Variants in CCSER1 observed in about 807,000 individuals in gnomAD.
CCSER1 encodes serine-rich coiled-coil domain-containing protein 1.
Under a neutral mutation model 82.0 loss-of-function variants are expected in CCSER1, and 41 were observed. The observed-to-expected ratio is 0.50, with a 90% CI of 0.39 to 0.65. The LOEUF is 0.65. CCSER1 is among the 30% of genes least tolerant of loss of function. The pLI is 0.00. For missense variants in CCSER1, 1,119 were observed against 1,064.2 expected, an observed-to-expected ratio of 1.05 and a Z score of -0.72; for synonymous variants, 414 against 383.9, an observed-to-expected ratio of 1.08 and a Z score of -0.92.
At chr4:91,031,096 G>A (rs1740940992) in intron 9 of CCSER1, among the ~76,000 whole-genome samples, 1 of 152,178 alleles carries the variant, frequency 6.6e-6, no homozygotes, top group Non-Finnish European at 1.5e-5. Context: ...GAAAAGTGAA[G>A]TTGCGGATAT....
chr4:90,206,883 A>G (rs1299831651), intron 1 of CCSER1, among the ~76,000 whole-genome samples: 1 of 151,882 alleles, frequency 6.6e-6, no homozygotes, highest in African/African-American at 2.4e-5. Context: ...GTGCATATAT[A>G]TTTAGGATAG....
At chr4:90,820,192 T>G (rs1403422920) in intron 8 of CCSER1, among the ~76,000 whole-genome samples, 1 of 152,190 alleles carries the variant, frequency 6.6e-6, no homozygotes, top group Non-Finnish European at 1.5e-5. Flanking sequence ...CTACCTCTAA[T>G]CTTAATTGCC....
intron 10 of CCSER1, among the ~76,000 whole-genome samples, chr4:91,384,695 C>A (rs1751162340): frequency 6.6e-6 from 1 of 151,848 alleles, no homozygotes; most frequent in African/African-American, 2.4e-5. Context: ...TCAGATGCAA[C>A]AAAATTACAG....
At position 90,378,392 on chromosome 4, in the gene CCSER1, A is replaced by C. The variant is rs1172344652; in HGVS notation, c.1510-21644A>C. On this transcript the variant is annotated intron_variant, in intron 3 of 10. Coordinates refer to ENST00000509176, the MANE Select transcript of CCSER1 (RefSeq NM_001145065.2). ...CACAGAGAAAGAGCTTAAGTCTTTA[A>C]GAGGGTAAGTGACCCAAGGCTAGGT... Among the ~76,000 whole-genome samples, 3 of 152,198 alleles carry C rather than the reference A, an allele frequency of 2.0e-5. No individual in the cohort carries two copies. The East Asian group carries it at 5.8e-4, about 29-fold the overall frequency.
At chr4:91,366,513 CA>C (rs1749625663) in intron 10 of CCSER1, among the ~76,000 whole-genome samples, 1 of 152,160 alleles carries the variant, frequency 6.6e-6, no homozygotes, top group Admixed American at 6.5e-5. Flanking sequence ...TCATATTTCT[CA>C]AATATTCTTT....
At chr4:91,503,329 G>T (rs1211357188) in intron 10 of CCSER1, among the ~76,000 whole-genome samples, 1 of 144,656 alleles carries the variant, frequency 6.9e-6, no homozygotes, top group African/African-American at 2.6e-5. Context: ...GAGAAAGAGC[G>T]ATACTCCATC....
chr4:90,753,696 A>G (rs551823313), intron 7 of CCSER1, among the ~76,000 whole-genome samples: 1 of 152,116 alleles, frequency 6.6e-6, no homozygotes, highest in Non-Finnish European at 1.5e-5. Flanking sequence ...TTTTAAAAAA[A>G]TAAATTGGAT....
intron 10 of CCSER1, among the ~76,000 whole-genome samples, chr4:91,181,881 A>G (rs1210583478): frequency 6.6e-6 from 1 of 152,206 alleles, no homozygotes; most frequent in Non-Finnish European, 1.5e-5. Context: ...TAACTGTGTC[A>G]TAGAGTGATT....
intron 9 of CCSER1, among the ~76,000 whole-genome samples, chr4:91,001,280 CT>C (rs1404233116): frequency 2.6e-5 from 4 of 152,098 alleles, no homozygotes; most frequent in African/African-American, 9.7e-5. Context: ...GATAAATTAA[CT>C]TTTTGATGTA....
rs2149712623 is a variant in CCSER1, at chr4:90,804,414, T to C, written c.2011-11348T>C. 2.0e-5 allele frequency among the ~76,000 whole-genome samples: 3 copies of C among 152,278 alleles called. 1 individual carries two copies. The highest frequency in any genetic ancestry group is 3.9e-4 in the East Asian group (2 of 5,188). ...ATAAGGTGTAAGGAAGGGGGTCCAG[T>C]TTCAGTTTTCTGCATACGTCTAGCC... is the stretch of plus-strand genomic sequence containing the variant. On this transcript the variant is annotated intron_variant, in intron 7 of 10. Coordinates refer to ENST00000509176, the MANE Select transcript of CCSER1 (RefSeq NM_001145065.2).
chr4:90,994,485 A>G (rs9884840), intron 9 of CCSER1, among the ~76,000 whole-genome samples: 8,215 of 147,412 alleles, frequency 0.056, 237 homozygotes, highest in Middle Eastern at 0.097. Context: ...CATGCTTCAC[A>G]TGGTAAAGTA....
chr4:91,463,969 G>A (rs955684238), intron 10 of CCSER1, among the ~76,000 whole-genome samples: 91 of 152,242 alleles, frequency 6.0e-4, no homozygotes, highest in African/African-American at 2.2e-3. Context: ...ACCTAGCAAG[G>A]CAGGCCAACA....
intron 9 of CCSER1, among the ~76,000 whole-genome samples, chr4:91,027,116 G>A (rs1475357590): frequency 6.6e-6 from 1 of 151,958 alleles, no homozygotes; most frequent in Non-Finnish European, 1.5e-5. Flanking sequence ...AGATCAAAGA[G>A]GGCTGCCAGG....
chr4:90,291,048 AT>A (rs1379877726), intron 1 of CCSER1, among the ~76,000 whole-genome samples: 1 of 152,058 alleles, frequency 6.6e-6, no homozygotes, highest in Non-Finnish European at 1.5e-5. Context: ...TTCCTTAAAA[AT>A]AATTTTTATT....
chr4:91,075,705 GA>G (rs1721922790), intron 9 of CCSER1, among the ~76,000 whole-genome samples: 1 of 152,080 alleles, frequency 6.6e-6, no homozygotes, highest in Non-Finnish European at 1.5e-5. Flanking sequence ...AAATGCAAAG[GA>G]TTTTTTTGTT....
rs548218920 is a variant in CCSER1, at chr4:91,404,861, T to C, written c.2218-193711T>C. On this transcript the variant is annotated intron_variant, in intron 10 of 10. Coordinates refer to ENST00000509176, the MANE Select transcript of CCSER1 (RefSeq NM_001145065.2). ...AAGTGCAATGAGGTGATGAGAAGAA[T>C]GTATATTCTGTTGATTTGGAGTGGA... 2.0e-5 allele frequency among the ~76,000 whole-genome samples: 3 copies of C among 152,328 alleles called. 1 individual carries two copies. Among genetic ancestry groups the C allele is most frequent in the African/African-American group, 4.8e-5 (2 of 41,572 alleles).
At chr4:91,515,908 T>C (rs1760089652) in intron 10 of CCSER1, among the ~76,000 whole-genome samples, 1 of 151,016 alleles carries the variant, frequency 6.6e-6, no homozygotes, top group South Asian at 2.1e-4. Context: ...CCATTCTAAC[T>C]CATTTGAGAA....
intron 7 of CCSER1, among the ~76,000 whole-genome samples, chr4:90,805,463 T>C (rs1421445117): frequency 6.6e-6 from 1 of 152,190 alleles, no homozygotes; most frequent in Non-Finnish European, 1.5e-5. Context: ...GAAGGAGCAT[T>C]ATAACTGACC....
chr4:90,707,542 T>A (rs144379588), intron 6 of CCSER1, among the ~76,000 whole-genome samples: 21,716 of 139,318 alleles, frequency 0.16, 1,825 homozygotes, highest in Middle Eastern at 0.24. Flanking sequence ...AAAAAAAATA[T>A]ATATATATAT....
Sources: allele counts gnomAD v4.1 joint callset (sites outside exome capture counted in the v4.1 genomes callset), GRCh38; gene constraint gnomAD v4.1.1; transcripts MANE v1.5; gene names NCBI Gene and HGNC (gene_info 2026-07-23, HGNC 2026-07-21).